HERC3: variants seen among roughly 807,000 people sequenced by gnomAD.
HERC3 encodes probable E3 ubiquitin-protein ligase HERC3.
A neutral mutation model predicts 129.9 loss-of-function variants in HERC3; 58 were observed. The observed-to-expected ratio is 0.45, with a 90% confidence interval of 0.36 to 0.56. The LOEUF is 0.56. HERC3 is among the 20% of genes least tolerant of loss of function. The pLI, the probability that HERC3 is intolerant of heterozygous loss-of-function variation, is 0.00. For missense variants in HERC3, 835 were observed against 1,244.2 expected (o/e 0.67, Z 4.95); for synonymous variants, 430 against 451.0 (o/e 0.95, Z 0.59).
the HERC3 span, among the ~76,000 whole-genome samples, chr4:88,586,365 T>C: frequency 5.2e-3 from 792 of 151,270 alleles, 7 homozygotes; most frequent in Non-Finnish European, 8.3e-3. Flanking sequence ...TTCTTTCTTT[T>C]TTTTTTTTTT....
At chr4:88,548,661 T>TTTC in the HERC3 span, among the ~76,000 whole-genome samples, 6 of 151,884 alleles carry the variant, frequency 4.0e-5, no homozygotes, top group Non-Finnish European at 8.8e-5. Flanking sequence ...TGGGTCATCT[T>TTTC]TTCTTTTTTT....
chr4:88,690,421 A>G (rs1733957781), intron 23 of HERC3: 4 of 984,684 alleles, frequency 4.1e-6, no homozygotes, highest in Non-Finnish European at 4.8e-6. Context: ...TACATACGTA[A>G]CCTTTAGTCT....
intron 3 of HERC3, among the ~76,000 whole-genome samples, chr4:88,641,013 A>G (rs1024278672): frequency 6.6e-6 from 1 of 152,212 alleles, no homozygotes; most frequent in African/African-American, 2.4e-5. Context: ...ACTTTTTTCA[A>G]CTGCCTATAG....
At chr4:88,681,884 A>C (rs1732819613) in intron 21 of HERC3, among the ~76,000 whole-genome samples, 1 of 152,208 alleles carries the variant, frequency 6.6e-6, no homozygotes, top group Admixed American at 6.5e-5. Flanking sequence ...TGGTCATCCT[A>C]CTGATCTATC....
At chr4:88,652,422 C>T (rs1428872743) in intron 5 of HERC3, among the ~76,000 whole-genome samples, 3 of 152,100 alleles carry the variant, frequency 2.0e-5, no homozygotes, top group Non-Finnish European at 4.4e-5. Flanking sequence ...ATCAAGCTCC[C>T]AAATGAATGA....
intron 2 of HERC3, among the ~76,000 whole-genome samples, chr4:88,596,395 G>A (rs1443975722): frequency 6.6e-6 from 1 of 152,104 alleles, no homozygotes; most frequent in Non-Finnish European, 1.5e-5. Context: ...CTCAGGGTGG[G>A]GGATCTTTAA....
intron 3 of HERC3, among the ~76,000 whole-genome samples, chr4:88,636,409 G>A (rs1454632390): frequency 2.0e-5 from 3 of 152,084 alleles, no homozygotes; most frequent in East Asian, 1.9e-4. Flanking sequence ...AGGGCATTAC[G>A]TAATGGTAAA....
chr4:88,597,130 G>A (rs983799085), intron 2 of HERC3, among the ~76,000 whole-genome samples: 7 of 152,106 alleles, frequency 4.6e-5, no homozygotes, highest in African/African-American at 7.2e-5. Context: ...ATTCTTATAC[G>A]TGTATCTTGG....
intron 9 of HERC3, 77 bp from the exon 10 acceptor site, chr4:88,658,338 C>A: frequency 1.4e-6 from 1 of 736,596 alleles, no homozygotes. Flanking sequence ...GAAGTGTATT[C>A]TGCGACAGTA....
chr4:88,655,202 G>A lies in HERC3; in HGVS notation c.806G>A (p.Gly269Asp). Residue 269 changes from glycine to aspartate, a missense_variant, in exon 8 of 26, where the codon GGT becomes GAT. Coordinates refer to ENST00000402738, the MANE Select transcript of HERC3 (RefSeq NM_014606.3). ...KSGGVFTFGA[G>D]SCGQLGHDSM... ...GGAGGTGTGTTTACCTTTGGCGCTG[G>A]TTCCTGTGGGCAACTTGGACACGAC... 6.2e-7 allele frequency: 1 copy of A among 1,613,860 alleles called. No individual in the cohort carries two copies. Among genetic ancestry groups the A allele is most frequent in the Non-Finnish European group, 8.5e-7 (1 of 1,179,830 alleles).
the HERC3 span, among the ~76,000 whole-genome samples, chr4:88,532,828 G>A: frequency 2.6e-5 from 4 of 152,158 alleles, no homozygotes; most frequent in Non-Finnish European, 5.9e-5. Context: ...TTTTTGCAAG[G>A]GTTCAAGGGA....
chr4:88,667,417 A>T lies in HERC3; in HGVS notation c.1372A>T (p.Ile458Phe). ...TAAAACGAGTCCCAAAATCCCTGGG[A>T]TTGACCTGAACTCAACTAGGGTGTT... ...HFKTSPKIPG[I>F]DLNSTRVLFE... The change falls in exon 13 of 26, where the codon ATT becomes TTT. Residue 458 changes from isoleucine to phenylalanine, a missense_variant. Transcript: ENST00000402738. 6.2e-7 allele frequency: 1 copy of T among 1,609,826 alleles called. No individual in the cohort carries two copies. Among genetic ancestry groups the T allele is most frequent in the Non-Finnish European group, 8.5e-7 (1 of 1,177,856 alleles).
upstream of HERC3, among the ~76,000 whole-genome samples, chr4:88,590,699 G>A (rs2149159213): frequency 6.6e-6 from 1 of 152,310 alleles, no homozygotes; most frequent in East Asian, 1.9e-4. Flanking sequence ...TCCTTTGCAA[G>A]TACCGGACTC....
intron 3 of HERC3, among the ~76,000 whole-genome samples, chr4:88,636,431 A>G (rs1727408839): frequency 6.6e-6 from 1 of 152,240 alleles, no homozygotes; most frequent in Admixed American, 6.5e-5. Flanking sequence ...GGATCAATTC[A>G]ACAAGAAGAG....
At position 88,673,382 on chromosome 4, in the gene HERC3, AT is replaced by A. The variant is rs3836636; in HGVS notation, c.1912-2833del. ...CACATTTAGGAGATGTTGACTTCGT[AT>A]TTAAAAAAAAATGATATTCCCAATT... On this transcript the variant is annotated intron_variant, in intron 16 of 25. Coordinates refer to ENST00000402738, the MANE Select transcript of HERC3 (RefSeq NM_014606.3). 4.9e-4 allele frequency among the ~76,000 whole-genome samples: 75 copies of A among 152,210 alleles called. 1 individual carries two copies. The East Asian group carries it at 7.7e-3, about 16-fold the overall frequency.
Position 88,667,392 on chromosome 4 carries a change from TA to T in HERC3, c.1351del (p.Thr451ArgfsTer10). The T allele has an allele frequency of 6.3e-7, 1 of 1,596,948 alleles. No individual in the cohort carries two copies. The highest frequency in any genetic ancestry group is 8.5e-7 in the Non-Finnish European group (1 of 1,171,422). On this transcript the variant is annotated frameshift_variant, in exon 13 of 26. Transcript: ENST00000402738. LOFTEE classifies it high-confidence loss of function. Reference sequence around the variant, plus strand: ...GTTTGTTTAGAATTGATGAACATTTTAAAACGAGTCCCAAAATCCCTGGGAT... The same window carrying T: ...GTTTGTTTAGAATTGATGAACATTTTAAACGAGTCCCAAAATCCCTGGGAT... ...FLEKKIDEHF[K>X]TSPKIPGIDL... is the part of the protein sequence containing the mutation.
chr4:88,653,219 A>C, intron 6 of HERC3, 129 bp downstream of exon 6: 2 of 861,372 alleles, frequency 2.3e-6, no homozygotes, highest in Non-Finnish European at 3.7e-6. Flanking sequence ...ACAATAGAGA[A>C]CATCCTCGTC....
chr4:88,591,440 T>C (rs1296788990), upstream of HERC3, among the ~76,000 whole-genome samples: 2 of 152,164 alleles, frequency 1.3e-5, no homozygotes, highest in Non-Finnish European at 2.9e-5. Context: ...GGACGAGCGA[T>C]TGCAGACCTG....
At chr4:88,581,603 GC>G in the HERC3 span, among the ~76,000 whole-genome samples, 1 of 151,856 alleles carries the variant, frequency 6.6e-6, no homozygotes, top group South Asian at 2.1e-4. Flanking sequence ...AATGTGCCCG[GC>G]CCTCTTTCTT....
Sources: gnomAD v4.1 joint callset for allele counts (sites outside exome capture counted in the v4.1 genomes callset) on GRCh38, gnomAD v4.1.1 for gene constraint, MANE v1.5 for transcripts, NCBI Gene and HGNC (gene_info 2026-07-23, HGNC 2026-07-21) for gene names.